The following IKZF2 variants were observed in gnomAD, a reference collection of about 807,000 sequenced individuals.
IKZF2 encodes the protein IKAROS family zinc finger 2.
In IKZF2, 15 loss-of-function variants were observed where a neutral mutation model predicts 49.2. The observed-to-expected ratio is 0.30, with a 90% confidence interval of 0.20 to 0.47. The LOEUF is 0.47. Among genes scored for constraint, IKZF2 ranks in the 20% least tolerant of loss-of-function variants. The probability of loss-of-function intolerance (pLI) is 1.00; values close to 1 mark genes in which losing one functional copy is unlikely to be tolerated. For synonymous variants in IKZF2, 227 were observed against 221.4 expected (o/e 1.03, Z -0.23); for missense variants, 567 against 664.6 (o/e 0.85, Z 1.61).
intron 6 of IKZF2, among the ~76,000 whole-genome samples, chr2:213,022,391 G>A (rs1027184071): frequency 1.3e-5 from 2 of 152,118 alleles, no homozygotes; most frequent in African/African-American, 4.8e-5. Flanking sequence ...TAGACCTTGA[G>A]GGCCTGGTGA....
At chr2:213,112,862 T>C (rs1294910563) in intron 4 of IKZF2, among the ~76,000 whole-genome samples, 1 of 152,202 alleles carries the variant, frequency 6.6e-6, no homozygotes, top group Admixed American at 6.5e-5. Context: ...GGGGCAATAC[T>C]AGCATCTACC....
chr2:213,077,251 T>C (rs1559242508), intron 4 of IKZF2, among the ~76,000 whole-genome samples: 1 of 152,234 alleles, frequency 6.6e-6, no homozygotes, highest in Non-Finnish European at 1.5e-5. Flanking sequence ...TCAGTGGTTC[T>C]TAAAATGTAT....
At chr2:213,105,745 A>G (rs1456734919) in intron 4 of IKZF2, among the ~76,000 whole-genome samples, 1 of 152,188 alleles carries the variant, frequency 6.6e-6, no homozygotes, top group Non-Finnish European at 1.5e-5. Flanking sequence ...TTCTGCAAAC[A>G]AACAAAAATC....
chr2:213,143,379 T>C (rs1553604240), intron 4 of IKZF2, among the ~76,000 whole-genome samples: 3 of 151,988 alleles, frequency 2.0e-5, no homozygotes, highest in South Asian at 2.1e-4. Context: ...ACTAAAAAGA[T>C]AGGGAGTTGG....
At chr2:213,077,486 T>C (rs534164862) in intron 4 of IKZF2, among the ~76,000 whole-genome samples, 3 of 151,686 alleles carry the variant, frequency 2.0e-5, no homozygotes, top group Middle Eastern at 3.4e-3. Context: ...GTATGAACTA[T>C]AAAAATGGGA....
intron 6 of IKZF2, among the ~76,000 whole-genome samples, chr2:213,040,529 T>C (rs1699529259): frequency 6.6e-6 from 1 of 152,120 alleles, no homozygotes. Context: ...ATACAAAATA[T>C]ACCTGAAATG....
At chr2:213,126,033 T>C (rs992274256) in intron 4 of IKZF2, among the ~76,000 whole-genome samples, 1 of 152,124 alleles carries the variant, frequency 6.6e-6, no homozygotes, top group Admixed American at 6.6e-5. Context: ...ACTTTTCATG[T>C]TATATCTTTC....
At position 213,000,711 on chromosome 2, in the gene IKZF2, G is replaced by GT. The variant is rs1694830581; in HGVS notation, c.*6648dup. 6.6e-6 allele frequency: 1 copy of GT among 151,880 alleles called. No individual in the cohort carries two copies. Among genetic ancestry groups the GT allele is most frequent in the Non-Finnish European group, 1.5e-5 (1 of 67,632 alleles). 9.4% of individuals were successfully genotyped at this position (151,880 alleles called of 1,614,324 possible). A position where few individuals can be genotyped will look rare whatever the true frequency, so the allele number is the denominator to read the frequency against. On this transcript the variant is annotated 3_prime_UTR_variant, in exon 9 of 9. Transcript: ENST00000434687. ...AAAAAATTTCTCCAATAGGTGATATGTAAGTGTTTAAAACTCAGCTAAGTG... is the reference window on the plus strand; with the variant it reads ...AAAAAATTTCTCCAATAGGTGATATGTTAAGTGTTTAAAACTCAGCTAAGTG...
At chr2:213,073,678 G>A (rs989720653) in intron 4 of IKZF2, among the ~76,000 whole-genome samples, 15 of 152,150 alleles carry the variant, frequency 9.9e-5, no homozygotes, top group African/African-American at 2.4e-4. Flanking sequence ...AACTTCCAAC[G>A]AATCAGAAGT....
At chr2:213,085,949 C>T (rs938639182) in intron 4 of IKZF2, among the ~76,000 whole-genome samples, 4 of 152,078 alleles carry the variant, frequency 2.6e-5, no homozygotes, top group Non-Finnish European at 4.4e-5. Context: ...AGTTCTTAAA[C>T]TTGAGAAGGT....
In IKZF2 at chr2:213,007,374, G is replaced by C. The variant is rs770025207; in HGVS notation, c.1567C>G (p.His523Asp). 1 of 1,613,094 alleles carries C rather than the reference G, an allele frequency of 6.2e-7. No individual in the cohort carries two copies. The highest frequency in any genetic ancestry group is 8.5e-7 in the Non-Finnish European group (1 of 1,179,484). ...EFSSHIVRGE[H>D]TFH ...AATGAAAAGGCCTAGTGGAATGTGT[G>C]CTCCCCTCGAACAATGTGTGATGAA... The change falls in exon 9 of 9, where the codon CAC becomes GAC. Residue 523 changes from histidine (H) to aspartate (D), a missense_variant. Around this residue, in one of 5 missense-constraint regions of IKZF2, gnomAD observed 25 missense variants for 27.0 expected, o/e 0.93. Transcript: ENST00000434687.
At chr2:213,075,185 T>A (rs1703123173) in intron 4 of IKZF2, among the ~76,000 whole-genome samples, 1 of 152,168 alleles carries the variant, frequency 6.6e-6, no homozygotes, top group Non-Finnish European at 1.5e-5. Context: ...CCATTCCCAT[T>A]TATTAACATT....
rs1333979406 is a variant in IKZF2, at chr2:213,092,371, A to G, written c.140-35272T>C. 2.6e-5 allele frequency among the ~76,000 whole-genome samples: 4 copies of G among 152,012 alleles called. No individual in the cohort carries two copies. In the East Asian group the frequency reaches 7.7e-4, roughly 29 times the overall value. Reference sequence around the variant, plus strand: ...AACTGTAACCATAATAACCTCCTCTACCATTTCAATGTACAGTTATGGTCA... The same window carrying G: ...AACTGTAACCATAATAACCTCCTCTGCCATTTCAATGTACAGTTATGGTCA... On this transcript the variant is annotated intron_variant, in intron 4 of 8. Transcript: ENST00000434687.
At chr2:213,059,281 T>G (rs985634661) in intron 4 of IKZF2, among the ~76,000 whole-genome samples, 1 of 151,760 alleles carries the variant, frequency 6.6e-6, no homozygotes, top group Non-Finnish European at 1.5e-5. Flanking sequence ...GTTTATGATA[T>G]CTTTTGCAAA....
chr2:213,139,151 G>T (rs1375075817), intron 4 of IKZF2, among the ~76,000 whole-genome samples: 1 of 151,856 alleles, frequency 6.6e-6, no homozygotes, highest in Non-Finnish European at 1.5e-5. Flanking sequence ...TGGATCTCAG[G>T]CCAGAAAGAA....
intron 4 of IKZF2, among the ~76,000 whole-genome samples, chr2:213,083,384 C>T (rs1475116595): frequency 3.1e-4 from 25 of 80,156 alleles, no homozygotes; most frequent in African/African-American, 1.4e-3. Flanking sequence ...GACGGCGAAC[C>T]TTTTTTTTTT....
At chr2:213,142,588 A>G (rs2060913670) in intron 4 of IKZF2, among the ~76,000 whole-genome samples, 1 of 151,946 alleles carries the variant, frequency 6.6e-6, no homozygotes, top group Non-Finnish European at 1.5e-5. Flanking sequence ...CCATTGAGGT[A>G]GGTATTGCTT....
At chr2:213,086,491 G>A (rs918614786) in intron 4 of IKZF2, among the ~76,000 whole-genome samples, 2 of 152,162 alleles carry the variant, frequency 1.3e-5, no homozygotes, top group African/African-American at 4.8e-5. Context: ...CTGAAGGGAA[G>A]CAAAAGTGAT....
At position 213,007,074 on chromosome 2, in the gene IKZF2, A is replaced by G. The variant is rs1695406714; in HGVS notation, c.*286T>C. The G allele has an allele frequency of 3.6e-6, 1 of 277,498 alleles. No homozygotes were observed. Among genetic ancestry groups the G allele is most frequent in the Admixed American group, 4.8e-5 (1 of 21,012 alleles). 17.2% of individuals were successfully genotyped at this position (277,498 alleles called of 1,614,324 possible). A position where few individuals can be genotyped will look rare whatever the true frequency, so the allele number is the denominator to read the frequency against. On this transcript the variant is annotated 3_prime_UTR_variant, in exon 9 of 9. Transcript: ENST00000434687. ...CTTTATGAATCAAGTGATTTTTCAAAGCATGATATGCCTTGGTAGAAATGG... is the reference window on the plus strand; with the variant it reads ...CTTTATGAATCAAGTGATTTTTCAAGGCATGATATGCCTTGGTAGAAATGG...
Sources: allele counts gnomAD v4.1 joint callset (sites outside exome capture counted in the v4.1 genomes callset), GRCh38; gene constraint gnomAD v4.1.1; regional missense constraint gnomAD v4.1.1; transcripts MANE v1.5; gene names NCBI Gene and HGNC (gene_info 2026-07-23, HGNC 2026-07-21).